RTL9: variants seen among roughly 807,000 people sequenced by gnomAD.
RTL9 encodes the protein retrotransposon Gag-like protein 9.
A neutral mutation model predicts 44.7 loss-of-function variants in RTL9; 19 were observed. The ratio of observed to expected loss-of-function variants is 0.42; its 90% CI spans 0.30 to 0.62. The LOEUF is 0.62. Ranked by LOEUF, RTL9 falls within the 20% of genes least tolerant of loss-of-function variation. The probability of loss-of-function intolerance (pLI) is 0.16; values close to 1 mark genes in which losing one functional copy is unlikely to be tolerated. For synonymous variants in RTL9, 407 were observed against 398.9 expected (o/e 1.02, Z -0.24); for missense variants, 1,105 against 1,080.6 (o/e 1.02, Z -0.32).
In RTL9 at chrX:110,454,538, C is replaced by T. The variant is rs5942633; in HGVS notation, c.3921C>T (p.Thr1307=). The change falls in exon 1 of 2, where the codon ACC becomes ACT. Residue 1307 remains threonine, a synonymous_variant. Transcript: ENST00000540313. ...AGCTGATAGACAGGTCTCTGTACAC[C>T]GAGTGCCAGCTGGCTGAAGAGAAGG... The T allele has an allele frequency of 6.3e-3, 7,568 of 1,210,169 alleles. 32 individuals carry two copies. The highest frequency in any genetic ancestry group is 6.1e-3 in the Non-Finnish European group (5,463 of 895,247).
intron 1 of RTL9, among the ~76,000 whole-genome samples, chrX:110,408,705 A>G (rs2068620252): frequency 8.9e-6 from 1 of 112,246 alleles, no homozygotes; most frequent in African/African-American, 3.2e-5. Context: ...TAATCAATAT[A>G]ACATATCAGT....
intron 1 of RTL9, among the ~76,000 whole-genome samples, chrX:110,376,613 C>T (rs1376208793): frequency 8.9e-6 from 1 of 112,240 alleles, no homozygotes; most frequent in Non-Finnish European, 1.9e-5. Context: ...AGCACCAACA[C>T]TCAGAAGAAA....
chrX:110,364,952 G>C (rs1396801765), intron 1 of RTL9, among the ~76,000 whole-genome samples: 1 of 112,088 alleles, frequency 8.9e-6, no homozygotes, highest in Non-Finnish European at 1.9e-5. Context: ...GTCTCTAGGA[G>C]TTCATTATCA....
At chrX:110,362,196 C>A (rs1020821051) in intron 1 of RTL9, among the ~76,000 whole-genome samples, 1 of 111,605 alleles carries the variant, frequency 9.0e-6, no homozygotes, top group Non-Finnish European at 1.9e-5. Context: ...CAAAATCTAG[C>A]TTTGGATGGG....
chrX:110,420,563 G>C (rs1332474927), intron 1 of RTL9, among the ~76,000 whole-genome samples: 1 of 112,033 alleles, frequency 8.9e-6, no homozygotes, highest in Non-Finnish European at 1.9e-5. Context: ...TTTGTCATCG[G>C]TCTAAAAAGT....
chrX:110,384,158 G>A (rs1309935352), intron 1 of RTL9, among the ~76,000 whole-genome samples: 1 of 111,391 alleles, frequency 9.0e-6, no homozygotes, highest in Non-Finnish European at 1.9e-5. Context: ...TGCTGTGTCT[G>A]TGTCTTGTCT....
intron 1 of RTL9, among the ~76,000 whole-genome samples, chrX:110,366,050 G>C (rs1368863297): frequency 9.0e-6 from 1 of 111,722 alleles, no homozygotes; most frequent in Non-Finnish European, 1.9e-5. Context: ...CTGCAGAATA[G>C]AGAGATGGCC....
exon 1 of RTL9, chrX:110,451,893 A>G (rs1349870711): frequency 8.3e-7 from 1 of 1,211,717 alleles, no homozygotes; most frequent in Non-Finnish European, 1.1e-6. Flanking sequence ...AAATATGTCT[A>G]CATTGCAAAA....
chrX:110,386,833 T>A (rs2068458790), intron 1 of RTL9, among the ~76,000 whole-genome samples: 1 of 112,234 alleles, frequency 8.9e-6, no homozygotes, highest in Admixed American at 9.4e-5. Context: ...TGTGGGGGAA[T>A]AAGACCTAAC....
intron 1 of RTL9, among the ~76,000 whole-genome samples, chrX:110,426,195 G>A (rs1008989777): frequency 3.6e-5 from 4 of 112,554 alleles, no homozygotes; most frequent in Non-Finnish European, 7.5e-5. Context: ...AAATGAGAAT[G>A]TGTCTTTGAT....
At chrX:110,430,517 G>A (rs2068788876) in intron 1 of RTL9, among the ~76,000 whole-genome samples, 1 of 111,818 alleles carries the variant, frequency 8.9e-6, no homozygotes, top group African/African-American at 3.3e-5. Context: ...TATGAACCCA[G>A]GCACCCTAGA....
exon 1 of RTL9, chrX:110,453,397 T>C: frequency 8.3e-7 from 1 of 1,210,772 alleles, no homozygotes; most frequent in East Asian, 3.0e-5. Flanking sequence ...TCCACAGAGT[T>C]AATGAGAGCT....
chrX:110,378,008 CAAA>C (rs755483656), intron 1 of RTL9, among the ~76,000 whole-genome samples: 420 of 30,923 alleles, frequency 0.014, 5 homozygotes, highest in African/African-American at 0.054. Context: ...GACTCCGTCT[CAAA>C]AAAAAAAAAA....
intron 1 of RTL9, among the ~76,000 whole-genome samples, chrX:110,435,020 A>AAGGAAGGGAGGGACAGAGGG (rs57965362): frequency 0.011 from 1,102 of 101,669 alleles, 26 homozygotes; most frequent in African/African-American, 0.038. Context: ...CCAGTGACAG[A>AAGGAAGGGAGGGACAGAGGG]AGGAAGGGAG....
intron 1 of RTL9, among the ~76,000 whole-genome samples, chrX:110,366,928 GA>G (rs2068301178): frequency 9.0e-6 from 1 of 110,884 alleles, no homozygotes; most frequent in South Asian, 3.8e-4. Context: ...TCAAACTTCC[GA>G]CACTTGTTTC....
chrX:110,365,673 A>G (rs1186852730), intron 1 of RTL9, among the ~76,000 whole-genome samples: 2 of 112,080 alleles, frequency 1.8e-5, no homozygotes, highest in African/African-American at 6.5e-5. Context: ...TGTGCAAAAC[A>G]CATTGCTTGT....
At chrX:110,378,143 A>T (rs910044563) in intron 1 of RTL9, among the ~76,000 whole-genome samples, 3 of 110,112 alleles carry the variant, frequency 2.7e-5, no homozygotes, top group Non-Finnish European at 3.8e-5. Flanking sequence ...TATTCTGCCC[A>T]TTTTTTTGGC....
chrX:110,388,946 T>C (rs941722445), intron 1 of RTL9, among the ~76,000 whole-genome samples: 6 of 112,111 alleles, frequency 5.4e-5, no homozygotes, highest in Non-Finnish European at 1.1e-4. Context: ...GTACCAGGGG[T>C]ATCATATCTT....
intron 1 of RTL9, among the ~76,000 whole-genome samples, chrX:110,434,154 G>A (rs755966284): frequency 6.3e-5 from 7 of 111,747 alleles, no homozygotes; most frequent in Non-Finnish European, 1.3e-4. Context: ...TGTGTGACAG[G>A]GCCTAGTGCA....
Sources: allele counts gnomAD v4.1 joint callset (sites outside exome capture counted in the v4.1 genomes callset), GRCh38; gene constraint gnomAD v4.1.1; transcripts MANE v1.5; gene names NCBI Gene and HGNC (gene_info 2026-07-23, HGNC 2026-07-21).